TOX: variants seen among roughly 807,000 people sequenced by gnomAD.
TOX encodes the protein thymocyte selection associated high mobility group box.
In TOX, 11 loss-of-function variants were observed where a neutral mutation model predicts 53.7. That is an observed-to-expected ratio of 0.20 (90% confidence interval 0.13 to 0.34). The LOEUF is 0.34. Among genes scored for constraint, TOX ranks in the 10% least tolerant of loss-of-function variants. TOX has a pLI of 1.00. For missense variants in TOX, 570 were observed against 664.6 expected (o/e 0.86, Z 1.56); for synonymous variants, 225 against 245.3 (o/e 0.92, Z 0.77).
chr8:59,092,323 A>G (rs1804634923), intron 1 of TOX, among the ~76,000 whole-genome samples: 2 of 128,562 alleles, frequency 1.6e-5, no homozygotes, highest in Admixed American at 1.8e-4. Context: ...ATATACATAT[A>G]TATATTATAT....
intron 6 of TOX, among the ~76,000 whole-genome samples, chr8:58,823,251 A>T (rs1414545879): frequency 6.6e-6 from 1 of 152,024 alleles, no homozygotes; most frequent in African/African-American, 2.4e-5. Context: ...GAGATGGAGT[A>T]TTACTCTGTC....
intron 2 of TOX, among the ~76,000 whole-genome samples, chr8:58,940,629 G>A (rs918317664): frequency 3.3e-5 from 5 of 152,164 alleles, no homozygotes; most frequent in Non-Finnish European, 5.9e-5. Flanking sequence ...CATAGTGTTT[G>A]GGTGTATGGG....
chr8:59,044,552 T>A (rs954082623), intron 1 of TOX, among the ~76,000 whole-genome samples: 4 of 152,188 alleles, frequency 2.6e-5, no homozygotes, highest in Non-Finnish European at 5.9e-5. Flanking sequence ...TCAGAGAGTT[T>A]TCTGTAAAAG....
intron 1 of TOX, among the ~76,000 whole-genome samples, chr8:59,059,797 A>T (rs1803946898): frequency 6.6e-6 from 1 of 152,184 alleles, no homozygotes; most frequent in African/African-American, 2.4e-5. Context: ...CATTGTTTCA[A>T]AAGAACTCTT....
chr8:59,001,172 G>A (rs1813682259), intron 1 of TOX, among the ~76,000 whole-genome samples: 2 of 152,172 alleles, frequency 1.3e-5, no homozygotes, highest in South Asian at 4.1e-4. Flanking sequence ...TGCCAATGTG[G>A]CAGGAAGAAC....
chr8:59,024,806 T>C (rs1347628012), intron 1 of TOX, among the ~76,000 whole-genome samples: 1 of 152,082 alleles, frequency 6.6e-6, no homozygotes, highest in African/African-American at 2.4e-5. Context: ...GATTATCCCA[T>C]ACAATTTACA....
At chr8:58,811,673 G>A (rs1810078215) in intron 7 of TOX, among the ~76,000 whole-genome samples, 1 of 152,084 alleles carries the variant, frequency 6.6e-6, no homozygotes, top group South Asian at 2.1e-4. Context: ...ATTACACAAG[G>A]AAATTGAAAA....
At chr8:59,015,147 G>A (rs1019989472) in intron 1 of TOX, among the ~76,000 whole-genome samples, 4 of 152,170 alleles carry the variant, frequency 2.6e-5, no homozygotes, top group Non-Finnish European at 5.9e-5. Flanking sequence ...AGCCCTGGAC[G>A]GGACAGCCAG....
chr8:58,973,658 T>C (rs1813041232), intron 1 of TOX, among the ~76,000 whole-genome samples: 1 of 152,214 alleles, frequency 6.6e-6, no homozygotes, highest in Non-Finnish European at 1.5e-5. Context: ...GTTATTAGCA[T>C]TTCCTTGGTT....
At chr8:58,837,612 A>C (rs1275493786) in intron 5 of TOX, among the ~76,000 whole-genome samples, 1 of 152,224 alleles carries the variant, frequency 6.6e-6, no homozygotes, top group African/African-American at 2.4e-5. Flanking sequence ...GGGGGATTGA[A>C]TAACAGCCCC....
At chr8:59,025,303 A>G (rs1814213599) in intron 1 of TOX, among the ~76,000 whole-genome samples, 1 of 152,140 alleles carries the variant, frequency 6.6e-6, no homozygotes, top group South Asian at 2.1e-4. Flanking sequence ...GCAAAAAGAA[A>G]GAAATGGTAA....
At chr8:58,960,161 C>G (rs138340215) in intron 1 of TOX, among the ~76,000 whole-genome samples, 153 bp from the exon 2 acceptor site, 1 of 152,120 alleles carries the variant, frequency 6.6e-6, no homozygotes, top group African/African-American at 2.4e-5. Context: ...TCACAGCAAG[C>G]GAGCCACATC....
intron 4 of TOX, among the ~76,000 whole-genome samples, chr8:58,838,948 C>A (rs1305575390): frequency 6.6e-6 from 1 of 152,094 alleles, no homozygotes; most frequent in African/African-American, 2.4e-5. Flanking sequence ...GATCCACCTG[C>A]CTTGGCCTCC....
intron 3 of TOX, among the ~76,000 whole-genome samples, chr8:58,892,649 C>T (rs932633172): frequency 6.6e-6 from 1 of 152,032 alleles, no homozygotes; most frequent in Non-Finnish European, 1.5e-5. Flanking sequence ...TCACACATAC[C>T]GGGTAAAGTT....
Position 58,807,526 on chromosome 8 carries a change from C to T in TOX, c.*221G>A, listed in dbSNP as rs889016312. 7.5e-5 allele frequency: 37 copies of T among 494,370 alleles called. No homozygotes were observed. Among genetic ancestry groups the T allele is most frequent in the Middle Eastern group, 5.5e-4 (1 of 1,834 alleles). The allele number at this position is 494,370 out of a possible 1,614,324, so 30.6% of individuals were successfully genotyped here. A position where few individuals can be genotyped will look rare whatever the true frequency, so the allele number is the denominator to read the frequency against. ...ATAAAATCTGAATGGTCCAAATTTC[C>T]TTCAGGGAAGAAGAAAAACAATGTC... On this transcript the variant is annotated 3_prime_UTR_variant, in exon 9 of 9. Coordinates refer to ENST00000361421, the MANE Select transcript of TOX (RefSeq NM_014729.3).
intron 3 of TOX, among the ~76,000 whole-genome samples, chr8:58,894,193 C>T (rs185043152): frequency 2.6e-5 from 4 of 152,254 alleles, no homozygotes; most frequent in South Asian, 2.1e-4. Context: ...CCATGCCATG[C>T]GACAATGGGT....
At chr8:58,995,197 G>A (rs1415949377) in intron 1 of TOX, among the ~76,000 whole-genome samples, 2 of 152,144 alleles carry the variant, frequency 1.3e-5, no homozygotes, top group African/African-American at 2.4e-5. Context: ...GGAGATAAAG[G>A]TCTTGGAGTA....
intron 2 of TOX, among the ~76,000 whole-genome samples, chr8:58,944,585 A>G (rs1812496449): frequency 6.6e-6 from 1 of 152,196 alleles, no homozygotes; most frequent in Admixed American, 6.5e-5. Flanking sequence ...AGCCCAATGG[A>G]CAAGGTCTGC....
At chr8:58,860,754 T>A (rs1300612137) in intron 3 of TOX, among the ~76,000 whole-genome samples, 1 of 152,164 alleles carries the variant, frequency 6.6e-6, no homozygotes, top group Non-Finnish European at 1.5e-5. Context: ...ACAGCACAGA[T>A]AAAGGTTGAA....
Sources: allele counts gnomAD v4.1 joint callset (sites outside exome capture counted in the v4.1 genomes callset), GRCh38; gene constraint gnomAD v4.1.1; transcripts MANE v1.5; gene names NCBI Gene and HGNC (gene_info 2026-07-23, HGNC 2026-07-21).